Variants in RNF123 observed in about 807,000 individuals in gnomAD.
The protein encoded by RNF123 is E3 ubiquitin-protein ligase RNF123.
RNF123 carries 86 observed loss-of-function variants against 168.5 expected under a neutral mutation model. The observed-to-expected ratio is 0.51, with a 90% CI of 0.43 to 0.61. The LOEUF is 0.61. Among genes scored for constraint, RNF123 ranks in the 20% least tolerant of loss-of-function variants. The pLI is 0.00. For synonymous variants in RNF123, 666 were observed against 689.1 expected, an observed-to-expected ratio of 0.97 and a Z score of 0.52; for missense variants, 1,419 against 1,729.7, an observed-to-expected ratio of 0.82 and a Z score of 3.19.
At chr3:49,716,263 C>T (rs1169017243) in intron 34 of RNF123, 86 bp downstream of exon 34, 9 of 1,561,270 alleles carry the variant, frequency 5.8e-6, no homozygotes, top group African/African-American at 5.4e-5. Context: ...CCACATTCTG[C>T]CCCCGGACAG....
In RNF123 at chr3:49,701,853, C is replaced by T. The variant is rs200586465; in HGVS notation, c.1438C>T (p.Arg480Trp). 211 of 1,570,540 alleles carry T rather than the reference C, an allele frequency of 1.3e-4. 2 individuals carry two copies. The highest frequency in any genetic ancestry group is 1.3e-3 in the Middle Eastern group (8 of 5,996). Reference sequence around the variant, plus strand: ...GATGAAGGAGGAGACCGCAGAGGAGCGGCTGCGGCGGCGAGCCTACGAACG... The same window carrying T: ...GATGAAGGAGGAGACCGCAGAGGAGTGGCTGCGGCGGCGAGCCTACGAACG... ...TEMKEETAEE[R>W]LRRRAYERGC... The change falls in exon 17 of 39, where the codon CGG becomes TGG. Residue 480 changes from arginine (R) to tryptophan (W), a missense_variant. Coordinates refer to ENST00000327697, the MANE Select transcript of RNF123 (RefSeq NM_022064.5).
intron 3 of RNF123, among the ~76,000 whole-genome samples, chr3:49,695,745 A>C (rs938841078): frequency 1.3e-5 from 2 of 152,108 alleles, no homozygotes; most frequent in African/African-American, 4.8e-5. Context: ...AGGTGGTGGC[A>C]CCCTGTGGGC....
chr3:49,693,142 A>G (rs1400472455), intron 3 of RNF123, among the ~76,000 whole-genome samples: 1 of 148,872 alleles, frequency 6.7e-6, no homozygotes, highest in Non-Finnish European at 1.5e-5. Flanking sequence ...TCCGCCTCCC[A>G]GGTTCATGCC....
intron 5 of RNF123, 86 bp from the exon 6 acceptor site, chr3:49,697,799 G>A: frequency 6.6e-7 from 1 of 1,523,752 alleles, no homozygotes; most frequent in Non-Finnish European, 9.1e-7. Flanking sequence ...CACCAGGGCT[G>A]GCTCAGTTGG....
At chr3:49,716,352 A>T in intron 34 of RNF123, 41 bp from the exon 35 acceptor site, 1 of 1,596,972 alleles carries the variant, frequency 6.3e-7, no homozygotes, top group Non-Finnish European at 8.6e-7. Context: ...TTGAAGCAGG[A>T]GCATGTGGGT....
At chr3:49,705,306 G>A in intron 23 of RNF123, 124 bp downstream of exon 23, 1 of 1,300,358 alleles carries the variant, frequency 7.7e-7, no homozygotes, top group Non-Finnish European at 1.1e-6. Flanking sequence ...AGCATCCCAG[G>A]AGTGCAGGAA....
At chr3:49,711,460 G>A (rs2108195748) in intron 26 of RNF123, among the ~76,000 whole-genome samples, 1 of 152,218 alleles carries the variant, frequency 6.6e-6, no homozygotes, top group South Asian at 2.1e-4. Context: ...CCTTTGCATT[G>A]ATACCTTAGC....
At position 49,721,452 on chromosome 3, in the gene RNF123, C is replaced by T; in HGVS notation, c.*147C>T. ...CTGCCTGTATCCTCATTGGTGGGAG[C>T]CCAGCCATGGCCCTAATTGTGCCTG... On this transcript the variant is annotated 3_prime_UTR_variant, in exon 39 of 39. Transcript: ENST00000327697. 9.0e-7 allele frequency: 1 copy of T among 1,111,876 alleles called. No homozygotes were observed. Among genetic ancestry groups the T allele is most frequent in the Non-Finnish European group, 1.4e-6 (1 of 727,210 alleles). The allele number at this position is 1,111,876 out of a possible 1,614,324, so 68.9% of individuals were successfully genotyped here.
In RNF123 at chr3:49,711,323, TTC is replaced by T. The variant is rs1454661265; in HGVS notation, c.2497-1152_2497-1151del. 2.0e-5 allele frequency among the ~76,000 whole-genome samples: 3 copies of T among 152,176 alleles called. No individual in the cohort carries two copies. The East Asian group carries it at 5.8e-4, about 29-fold the overall frequency. ...CCCAAAAGTTATGCTCTCTCCTTCT[TTC>T]TCTGTCTTAGCTGCTACATCTTCCC... is the stretch of plus-strand genomic sequence containing the variant. On this transcript the variant is annotated intron_variant, in intron 26 of 38. Coordinates refer to ENST00000327697, the MANE Select transcript of RNF123 (RefSeq NM_022064.5).
intron 35 of RNF123, chr3:49,719,792 T>C (rs1345504970): frequency 7.2e-6 from 2 of 278,032 alleles, no homozygotes; most frequent in Admixed American, 4.8e-5. Context: ...TTGTGCCCAA[T>C]GGCCCCGCAT....
In RNF123 at chr3:49,702,868, C is replaced by T. The variant is rs1030579201; in HGVS notation, c.1750+115C>T. On this transcript the variant is annotated intron_variant, in intron 20 of 38. Coordinates refer to ENST00000327697, the MANE Select transcript of RNF123 (RefSeq NM_022064.5). ...GCTGTGGGCTGTGGGGAGTTGTCCC[C>T]GGCATCCTGCCTGGTTGAGTCCTAC... 4.9e-5 allele frequency: 73 copies of T among 1,490,238 alleles called. No homozygotes were observed. The East Asian group carries it at 9.4e-4, about 19-fold the overall frequency. The allele number at this position is 1,490,238 out of a possible 1,614,324, so 92.3% of individuals were successfully genotyped here.
rs1575527880 is a variant in RNF123, at chr3:49,703,351, A to G, written c.1751-76A>G. 25 of 1,212,656 alleles carry G rather than the reference A, an allele frequency of 2.1e-5. No homozygotes were observed. In the South Asian group the frequency reaches 3.1e-4, roughly 15 times the overall value. 75.1% of individuals were successfully genotyped at this position (1,212,656 alleles called of 1,614,324 possible). On this transcript the variant is annotated intron_variant, in intron 20 of 38. Transcript: ENST00000327697. The stretch of plus-strand genomic sequence containing the variant: ...GAATTCCCAGGCTGTGCTAGGCCAG[A>G]TTGGAGGGGAGGGCTGTGGGGAGGG...
intron 3 of RNF123, among the ~76,000 whole-genome samples, chr3:49,694,196 C>T (rs112159749): frequency 0.02 from 3,013 of 152,198 alleles, 81 homozygotes; most frequent in African/African-American, 0.068. Flanking sequence ...TTTCTTAAAA[C>T]GTTTTTATTG....
chr3:49,698,896 G>T, intron 9 of RNF123, 74 bp downstream of exon 9: 2 of 1,606,004 alleles, frequency 1.2e-6, no homozygotes, highest in South Asian at 1.1e-5. Context: ...CCTGGGCCCT[G>T]TAAGGGGCCA....
intron 31 of RNF123, 92 bp downstream of exon 31, chr3:49,714,266 G>T: frequency 8.6e-7 from 1 of 1,163,498 alleles, no homozygotes; most frequent in Admixed American, 1.8e-5. Flanking sequence ...ACTTCTTCCA[G>T]CCCCTCTCTG....
chr3:49,718,869 G>C, intron 35 of RNF123: 1 of 1,613,522 alleles, frequency 6.2e-7, no homozygotes. Context: ...GCTCAGGTAC[G>C]GAGATGTGTC....
intron 31 of RNF123, among the ~76,000 whole-genome samples, chr3:49,714,391 A>T (rs979513845): frequency 2.6e-5 from 4 of 152,130 alleles, no homozygotes; most frequent in African/African-American, 9.7e-5. Context: ...CCTTGCCCAC[A>T]GTCTTACCTA....
chr3:49,700,585 C>T (rs778076753), intron 14 of RNF123, 21 bp downstream of exon 14: 3 of 1,614,178 alleles, frequency 1.9e-6, no homozygotes, highest in Non-Finnish European at 1.7e-6. Flanking sequence ...CTACCCCTGC[C>T]CTGAGCCCCC....
chr3:49,719,200 G>A (rs1360975786), intron 35 of RNF123: 2 of 1,613,194 alleles, frequency 1.2e-6, no homozygotes, highest in African/African-American at 2.7e-5. Context: ...TAGGTGCAGG[G>A]CGCGCAGCTG....
Sources: gnomAD v4.1 joint callset for allele counts (sites outside exome capture counted in the v4.1 genomes callset) on GRCh38, gnomAD v4.1.1 for gene constraint, MANE v1.5 for transcripts, NCBI Gene and HGNC (gene_info 2026-07-23, HGNC 2026-07-21) for gene names.